Variants in SH3D19 observed in about 807,000 individuals in gnomAD.
SH3D19 encodes SH3 domain-containing protein 19.
SH3D19 carries 58 observed loss-of-function variants against 112.1 expected under a neutral mutation model. That is an observed-to-expected ratio of 0.52 (90% confidence interval 0.42 to 0.64). The LOEUF is 0.64. Among genes scored for constraint, SH3D19 ranks in the 30% least tolerant of loss-of-function variants. The pLI is 0.00. For synonymous variants in SH3D19, 391 were observed against 448.5 expected (o/e 0.87, Z 1.62); for missense variants, 1,090 against 1,263.4 (o/e 0.86, Z 2.08).
chr4:151,229,933 A>C (rs114462912), intron 1 of SH3D19, among the ~76,000 whole-genome samples: 1,635 of 152,290 alleles, frequency 0.011, 28 homozygotes, highest in African/African-American at 0.036. Context: ...AAACAAAAAC[A>C]AAAAACAAGG....
At chr4:151,291,224 C>T (rs771031727) in intron 1 of SH3D19, 3 of 1,613,724 alleles carry the variant, frequency 1.9e-6, no homozygotes, top group Middle Eastern at 1.7e-4. Context: ...GGAGTCTACA[C>T]CAATGTAATC....
intron 1 of SH3D19, among the ~76,000 whole-genome samples, chr4:151,312,227 T>C (rs935790810): frequency 1.6e-4 from 25 of 152,336 alleles, no homozygotes; most frequent in African/African-American, 5.8e-4. Flanking sequence ...AAATGCATGA[T>C]GGATTCTGTT....
intron 1 of SH3D19, among the ~76,000 whole-genome samples, chr4:151,298,097 C>T (rs918703580): frequency 3.3e-5 from 5 of 151,730 alleles, no homozygotes; most frequent in South Asian, 2.1e-4. Context: ...AGTCTACAGA[C>T]GGAATGCAGT....
intron 9 of SH3D19, among the ~76,000 whole-genome samples, chr4:151,155,059 T>C (rs1322147427): frequency 6.6e-6 from 1 of 152,014 alleles, no homozygotes; most frequent in African/African-American, 2.4e-5. Context: ...TGCACCCCAA[T>C]ACTATTTCAA....
chr4:151,177,151 T>A (rs1760077863), intron 4 of SH3D19, among the ~76,000 whole-genome samples, 196 bp from the exon 5 acceptor site: 1 of 152,190 alleles, frequency 6.6e-6, no homozygotes, highest in Non-Finnish European at 1.5e-5. Flanking sequence ...CAAATGACAA[T>A]CATCCTCTAT....
chr4:151,212,607 C>A (rs1766149671), intron 2 of SH3D19, among the ~76,000 whole-genome samples: 1 of 152,198 alleles, frequency 6.6e-6, no homozygotes, highest in East Asian at 1.9e-4. Context: ...AAAAAAGATT[C>A]CTTTCAAAAT....
intron 1 of SH3D19, chr4:151,282,195 T>C (rs755978176): frequency 2.5e-6 from 4 of 1,613,940 alleles, no homozygotes; most frequent in South Asian, 1.1e-5. Flanking sequence ...TCGATTACAG[T>C]AGGTGACTCA....
chr4:151,131,457 T>TA (rs1270029839), intron 17 of SH3D19, among the ~76,000 whole-genome samples: 1 of 152,006 alleles, frequency 6.6e-6, no homozygotes, highest in East Asian at 1.9e-4. Context: ...ATTAGCCACT[T>TA]ATGGTATCTC....
chr4:151,150,206 AATATATAT>A (rs1554037659), intron 9 of SH3D19, among the ~76,000 whole-genome samples: 3 of 46,160 alleles, frequency 6.5e-5, no homozygotes, highest in African/African-American at 2.2e-4. Flanking sequence ...AAAAAAAAAA[AATATATAT>A]ATATATATAT....
intron 1 of SH3D19, among the ~76,000 whole-genome samples, chr4:151,274,303 A>T (rs1390151124): frequency 6.6e-6 from 1 of 152,230 alleles, no homozygotes; most frequent in Non-Finnish European, 1.5e-5. Context: ...AAACATCTTT[A>T]TGCTACTTTA....
At position 151,306,434 on chromosome 4, in the gene SH3D19, T is replaced by C. The variant is rs183188427; in HGVS notation, c.112+18807A>G. On this transcript the variant is annotated intron_variant, in intron 1 of 19. Coordinates refer to ENST00000604030, the MANE Select transcript of SH3D19 (RefSeq NM_001378122.1). ...GAATTACAGGAGTTCCTGACACATATTTAGTATAAATAAATGATTGATGAA... is the reference window on the plus strand; with the variant it reads ...GAATTACAGGAGTTCCTGACACATACTTAGTATAAATAAATGATTGATGAA... 1.2e-3 allele frequency among the ~76,000 whole-genome samples: 182 copies of C among 152,276 alleles called. 1 individual carries two copies. The highest frequency in any genetic ancestry group is 4.1e-3 in the African/African-American group (172 of 41,562).
chr4:151,171,884 A>G (rs9997354), intron 7 of SH3D19, among the ~76,000 whole-genome samples: 2,861 of 152,306 alleles, frequency 0.019, 87 homozygotes, highest in African/African-American at 0.064. Context: ...GCTCCATTAC[A>G]TTAACCTGGA....
At chr4:151,224,645 C>G (rs958364251) in intron 2 of SH3D19, among the ~76,000 whole-genome samples, 1 of 152,138 alleles carries the variant, frequency 6.6e-6, no homozygotes, top group Non-Finnish European at 1.5e-5. Context: ...GTATTTTTGA[C>G]TCTTCCAACT....
intron 1 of SH3D19, among the ~76,000 whole-genome samples, chr4:151,296,637 C>A (rs1396392768): frequency 2.6e-5 from 4 of 152,186 alleles, no homozygotes; most frequent in African/African-American, 9.7e-5. Context: ...TACAGCATTT[C>A]TGCCTTAAAA....
chr4:151,308,865 T>C (rs1318129688), intron 1 of SH3D19, among the ~76,000 whole-genome samples: 4 of 152,186 alleles, frequency 2.6e-5, no homozygotes, highest in African/African-American at 9.7e-5. Context: ...TTCCTGCGTC[T>C]TTCTTTTTTC....
rs117429270 is a variant in SH3D19, at chr4:151,285,072, G to A, written c.112+40169C>T. Among the ~76,000 whole-genome samples, 176 of 152,206 alleles carry A rather than the reference G, an allele frequency of 1.2e-3. 6 individuals are homozygous for A. The East Asian group carries it at 0.028, about 24-fold the overall frequency. On this transcript the variant is annotated intron_variant, in intron 1 of 19. Coordinates refer to ENST00000604030, the MANE Select transcript of SH3D19 (RefSeq NM_001378122.1). ...GCCACTATGCATGATAATGACTGGG[G>A]CCTGCTTTAAGGGAAAAGCCACTTT...
Position 151,165,703 on chromosome 4 carries a change from A to G in SH3D19, c.1535-7T>C, listed in dbSNP as rs990533813. The G allele has an allele frequency of 1.2e-6, 2 of 1,611,120 alleles. No homozygotes were observed. The highest frequency in any genetic ancestry group is 2.7e-5 in the African/African-American group (2 of 74,862). ...GCAGGGAGCTGAAAGGGATCTAATG[A>G]AAAACATAGTTTATTTTGCATGTTT... On this transcript the variant is annotated splice_region_variant and splice_polypyrimidine_tract_variant and intron_variant, in intron 7 of 19. Coordinates refer to ENST00000604030, the MANE Select transcript of SH3D19 (RefSeq NM_001378122.1).
chr4:151,237,001 G>A (rs898743816), intron 1 of SH3D19, among the ~76,000 whole-genome samples: 3 of 152,210 alleles, frequency 2.0e-5, no homozygotes, highest in Non-Finnish European at 2.9e-5. Context: ...GCAACATGCT[G>A]AAGTCCCCTT....
intron 19 of SH3D19, among the ~76,000 whole-genome samples, chr4:151,122,511 TCACACACACACACACA>T: frequency 6.7e-6 from 1 of 148,520 alleles, no homozygotes; most frequent in Non-Finnish European, 1.5e-5. Flanking sequence ...ATACCAGTTA[TCACACACACACACACA>T]CACACACACA....
Sources: allele counts gnomAD v4.1 joint callset (sites outside exome capture counted in the v4.1 genomes callset), GRCh38; gene constraint gnomAD v4.1.1; transcripts MANE v1.5; gene names NCBI Gene and HGNC (gene_info 2026-07-23, HGNC 2026-07-21).